Variants in CCDC171 observed in about 807,000 individuals in gnomAD.
CCDC171 encodes the protein coiled-coil domain containing 171.
In CCDC171, 177 loss-of-function variants were observed where a neutral mutation model predicts 168.2. The ratio of observed to expected loss-of-function variants is 1.05; its 90% CI spans 0.93 to 1.19. The LOEUF is 1.19. CCDC171 is among the 50% of genes most tolerant of loss of function. The probability of loss-of-function intolerance (pLI) is 0.00; values close to 1 mark genes in which losing one functional copy is unlikely to be tolerated. For missense variants in CCDC171, 1,991 were observed against 1,539.0 expected, an observed-to-expected ratio of 1.29 and a Z score of -4.91; for synonymous variants, 687 against 540.8, an observed-to-expected ratio of 1.27 and a Z score of -3.75.
At chr9:15,773,310 A>G (rs1235298348) in intron 18 of CCDC171, among the ~76,000 whole-genome samples, 2 of 152,186 alleles carry the variant, frequency 1.3e-5, no homozygotes, top group Non-Finnish European at 2.9e-5. Flanking sequence ...CACAATGGTT[A>G]CTGCAGCTAA....
At chr9:16,007,560 T>G (rs1388673966) in intron 3 of CCDC171, among the ~76,000 whole-genome samples, 2 of 152,198 alleles carry the variant, frequency 1.3e-5, no homozygotes, top group East Asian at 1.9e-4. Context: ...GTTTTTATGG[T>G]TTTAGGTTTA....
intron 21 of CCDC171, among the ~76,000 whole-genome samples, chr9:15,811,832 G>T (rs894117128): frequency 6.6e-6 from 1 of 152,202 alleles, no homozygotes; most frequent in Non-Finnish European, 1.5e-5. Context: ...ACCTTAAGAT[G>T]TGTTGCTGCT....
At chr9:15,714,707 C>G (rs1489086904) in intron 11 of CCDC171, among the ~76,000 whole-genome samples, 1 of 152,176 alleles carries the variant, frequency 6.6e-6, no homozygotes, top group Non-Finnish European at 1.5e-5. Context: ...GACCCATCGT[C>G]TTTATTCACA....
At chr9:15,782,656 T>C (rs1348684325) in intron 20 of CCDC171, among the ~76,000 whole-genome samples, 2 of 152,070 alleles carry the variant, frequency 1.3e-5, no homozygotes, top group Non-Finnish European at 2.9e-5. Flanking sequence ...AAACAACACA[T>C]TGAAGATAGA....
chr9:15,900,773 C>A (rs1891212), intron 24 of CCDC171, among the ~76,000 whole-genome samples: 65,590 of 151,964 alleles, frequency 0.43, 14,542 homozygotes, highest in East Asian at 0.73. Context: ...GATAGACTGT[C>A]TTCTGGGTTT....
At chr9:15,905,561 G>C (rs1194345437) in intron 24 of CCDC171, among the ~76,000 whole-genome samples, 1 of 152,048 alleles carries the variant, frequency 6.6e-6, no homozygotes, top group Non-Finnish European at 1.5e-5. Context: ...ATGCCCACAA[G>C]AGAAAGCAGG....
intron 21 of CCDC171, among the ~76,000 whole-genome samples, chr9:15,788,649 A>C (rs1478822786): frequency 6.6e-6 from 1 of 151,604 alleles, no homozygotes; most frequent in Non-Finnish European, 1.5e-5. Flanking sequence ...TCCTAGGCTT[A>C]AGTAATTCTC....
intron 14 of CCDC171, among the ~76,000 whole-genome samples, chr9:15,726,502 T>A (rs2053810248): frequency 6.6e-6 from 1 of 152,184 alleles, no homozygotes; most frequent in Non-Finnish European, 1.5e-5. Flanking sequence ...TTTGACCTAG[T>A]TAAATAATGC....
chr9:15,826,290 A>T (rs1238772567), intron 21 of CCDC171, among the ~76,000 whole-genome samples: 1 of 151,400 alleles, frequency 6.6e-6, no homozygotes, highest in Non-Finnish European at 1.5e-5. Flanking sequence ...CGTTCTTCTG[A>T]GATCTTCATA....
In CCDC171 at chr9:15,818,509, A is replaced by T. The variant is rs1238087967; in HGVS notation, c.3268-28193A>T. Among the ~76,000 whole-genome samples the T allele has an allele frequency of 3.4e-5, 4 of 118,780 alleles. 1 individual carries two copies. 77.9% of individuals were successfully genotyped at this position (118,780 alleles called of 152,430 possible). On this transcript the variant is annotated intron_variant, in intron 21 of 25. Transcript: ENST00000380701. ...TGCAGAGAAGTCCTTAAAGGACCTG[A>T]TGAAGCTGAAAACCACGGCACGAGA...
chr9:15,885,249 A>G (rs1819230678), intron 24 of CCDC171, among the ~76,000 whole-genome samples: 1 of 152,138 alleles, frequency 6.6e-6, no homozygotes, highest in Non-Finnish European at 1.5e-5. Context: ...ACAGTACAGA[A>G]TTTTGTTTTT....
chr9:15,559,071 A>C (rs543463171), intron 1 of CCDC171, among the ~76,000 whole-genome samples: 1 of 152,170 alleles, frequency 6.6e-6, no homozygotes, highest in Non-Finnish European at 1.5e-5. Flanking sequence ...CCTGAGTTGT[A>C]GTTTGATTGC....
chr9:15,831,713 T>A (rs1315740610), intron 21 of CCDC171, among the ~76,000 whole-genome samples: 1 of 152,182 alleles, frequency 6.6e-6, no homozygotes, highest in Non-Finnish European at 1.5e-5. Flanking sequence ...AGGGTTCTTA[T>A]TAAATTCAGA....
intron 11 of CCDC171, among the ~76,000 whole-genome samples, chr9:15,703,629 T>C (rs1237108011): frequency 6.6e-6 from 1 of 152,232 alleles, no homozygotes; most frequent in African/African-American, 2.4e-5. Flanking sequence ...TGTGTATATA[T>C]CCCACTTAAA....
At chr9:15,706,515 T>C (rs2052249265) in intron 11 of CCDC171, among the ~76,000 whole-genome samples, 1 of 152,134 alleles carries the variant, frequency 6.6e-6, no homozygotes, top group Non-Finnish European at 1.5e-5. Flanking sequence ...CTCCAACTGC[T>C]GAGTTTAAGC....
chr9:15,886,398 A>G (rs890013883), intron 24 of CCDC171: 1 of 152,212 alleles, frequency 6.6e-6, no homozygotes, highest in African/African-American at 2.4e-5. Context: ...GGAAATGAAA[A>G]TCAAAACCAC....
intron 16 of CCDC171, among the ~76,000 whole-genome samples, chr9:15,732,988 T>A (rs1277404020): frequency 6.6e-6 from 1 of 152,192 alleles, no homozygotes; most frequent in Admixed American, 6.5e-5. Context: ...CATTTTTTTC[T>A]TTTGAATTTT....
At position 15,623,428 on chromosome 9, in the gene CCDC171, TC is replaced by T. The variant is rs763117635; in HGVS notation, c.822+17del. 1.3e-6 allele frequency: 2 copies of T among 1,573,086 alleles called. No homozygotes were observed. The highest frequency in any genetic ancestry group is 2.7e-5 in the African/African-American group (2 of 73,110). On this transcript the variant is annotated intron_variant, in intron 7 of 25. Coordinates refer to ENST00000380701, the MANE Select transcript of CCDC171 (RefSeq NM_173550.4). ...AAGAATTTGAGGTACATTTTCTCAT[TC>T]CTTTATAATATATATGCGTACAAAC...
the CCDC171 span, among the ~76,000 whole-genome samples, chr9:16,089,459 A>G: frequency 0.19 from 29,307 of 151,432 alleles, 2,988 homozygotes; most frequent in African/African-American, 0.23. Context: ...GCCCATGCCT[A>G]TATCCTGAAT....
Sources: allele counts gnomAD v4.1 joint callset (sites outside exome capture counted in the v4.1 genomes callset), GRCh38; gene constraint gnomAD v4.1.1; transcripts MANE v1.5; gene names NCBI Gene and HGNC (gene_info 2026-07-23, HGNC 2026-07-21).